Variants in SPINK5 observed in about 807,000 individuals in gnomAD.
SPINK5 encodes the protein serine protease inhibitor Kazal-type 5.
Under a neutral mutation model 151.8 loss-of-function variants are expected in SPINK5, and 125 were observed. That is an observed-to-expected ratio of 0.82 (90% CI 0.71 to 0.96). SPINK5 has a LOEUF of 0.96. SPINK5 is among the 40% of genes least tolerant of loss of function. The pLI, the probability that SPINK5 is intolerant of heterozygous loss-of-function variation, is 0.00. For synonymous variants in SPINK5, 374 were observed against 395.3 expected, an observed-to-expected ratio of 0.95 and a Z score of 0.64; for missense variants, 1,194 against 1,291.9, an observed-to-expected ratio of 0.92 and a Z score of 1.16.
intron 2 of SPINK5, 71 bp from the exon 3 acceptor site, chr5:148,070,252 C>T (rs1247373652): frequency 5.9e-6 from 9 of 1,518,966 alleles, no homozygotes; most frequent in East Asian, 2.4e-5. Context: ...CATATATCTA[C>T]ATATATATAT....
intron 2 of SPINK5, among the ~76,000 whole-genome samples, chr5:148,067,989 A>T (rs1752629187): frequency 6.6e-6 from 1 of 152,106 alleles, no homozygotes; most frequent in African/African-American, 2.4e-5. Context: ...TCGTCTATAT[A>T]CTTTCTATAA....
chr5:148,115,141 A>G (rs925350589), intron 21 of SPINK5, among the ~76,000 whole-genome samples: 1 of 152,238 alleles, frequency 6.6e-6, no homozygotes, highest in Non-Finnish European at 1.5e-5. Context: ...GAAAGGGATA[A>G]TTAATAGAAA....
intron 19 of SPINK5, among the ~76,000 whole-genome samples, chr5:148,112,664 T>A (rs1753970464): frequency 7.3e-6 from 1 of 137,222 alleles, no homozygotes; most frequent in Non-Finnish European, 1.5e-5. Context: ...AGAGTGAGAC[T>A]CCATCTCAAA....
rs180720796 is a variant in SPINK5 at position 148,084,809 on chromosome 5, C to T, written c.283-1596C>T. Among the ~76,000 whole-genome samples the T allele has an allele frequency of 5.3e-3, 806 of 151,922 alleles. 5 individuals carry two copies. The highest frequency in any genetic ancestry group is 0.011 in the Admixed American group (160 of 15,234). ...TGCCGTTCTCTATGCCCAGAATGTT[C>T]TTCCCTCAAATGTTTTTGCCACTAT... is the stretch of plus-strand genomic sequence containing the variant. On this transcript the variant is annotated intron_variant, in intron 4 of 32. Coordinates refer to ENST00000256084, the MANE Select transcript of SPINK5 (RefSeq NM_006846.4).
chr5:148,111,382 G>T (rs1339285662), intron 18 of SPINK5, among the ~76,000 whole-genome samples: 1 of 152,108 alleles, frequency 6.6e-6, no homozygotes, highest in Non-Finnish European at 1.5e-5. Context: ...AATTATATCT[G>T]AAAAGCCCTT....
In SPINK5 at chr5:148,100,574, GTCT is replaced by G. The variant is rs2113117124; in HGVS notation, c.1218_1220del (p.Phe407del). 6.2e-7 allele frequency: 1 copy of G among 1,613,040 alleles called. No homozygotes were observed. The highest frequency in any genetic ancestry group is 8.5e-7 in the Non-Finnish European group (1 of 1,179,282). On this transcript the variant is annotated inframe_deletion, in exon 13 of 33. Coordinates refer to ENST00000256084, the MANE Select transcript of SPINK5 (RefSeq NM_006846.4). ...TGGCAACACCTGCTCCATGTGTGAGGTCTTCTTGTGAGTAGCCCTGCAGCTGGG... is the reference window on the plus strand; with the variant it reads ...TGGCAACACCTGCTCCATGTGTGAGGTCTTGTGAGTAGCCCTGCAGCTGGG...
Position 148,108,798 on chromosome 5 carries a change from G to T in SPINK5, c.1653G>T (p.Gly551=). 1 of 1,612,420 alleles carries T rather than the reference G, an allele frequency of 6.2e-7. No individual in the cohort carries two copies. The change falls in exon 18 of 33, where the codon GGG becomes GGT. Residue 551 remains glycine, a synonymous_variant. Coordinates refer to ENST00000256084, the MANE Select transcript of SPINK5 (RefSeq NM_006846.4). ...AGAAAAATGATAAAGAAGAAAAAGG[G>T]AAAGTCGAGGCTGAAAAAGTTAAGA... ...EEKKNDKEEK[G]KVEAEKVKRE... is the part of the protein sequence containing the mutation.
chr5:148,107,979 A>T (rs1325524722), intron 17 of SPINK5, among the ~76,000 whole-genome samples: 1 of 152,196 alleles, frequency 6.6e-6, no homozygotes, highest in African/African-American at 2.4e-5. Context: ...ACATGTCTTG[A>T]TCCAACCTTA....
rs750266026 is a variant in SPINK5, at chr5:148,107,155, C to G, written c.1598C>G (p.Ala533Gly). 6.2e-7 allele frequency: 1 copy of G among 1,612,014 alleles called. No individual in the cohort carries two copies. The highest frequency in any genetic ancestry group is 1.7e-5 in the Admixed American group (1 of 59,926). The change falls in exon 17 of 33, where the codon GCC (alanine) becomes GGC (glycine). Residue 533 changes from alanine (A) to glycine (G), a missense_variant. Ala to Gly is a moderately conservative substitution (Grantham distance 60, BLOSUM62 0). Transcript: ENST00000256084. Reference sequence around the variant, plus strand: ...CATGGAAACAAGTGTGCCATGTGTGCCAGTGTGTTGTGAGTGTCCACCCCA... The same window carrying G: ...CATGGAAACAAGTGTGCCATGTGTGGCAGTGTGTTGTGAGTGTCCACCCCA... The part of the protein sequence containing the change: ...KMHGNKCAMC[A>G]SVFKLEEEEK...
chr5:148,107,999 A>G (rs1437643071), intron 17 of SPINK5, among the ~76,000 whole-genome samples: 1 of 152,214 alleles, frequency 6.6e-6, no homozygotes, highest in Non-Finnish European at 1.5e-5. Context: ...AAGTGGATGC[A>G]TACAATTCCC....
chr5:148,117,303 T>C (rs1028240443), intron 22 of SPINK5, among the ~76,000 whole-genome samples: 1 of 152,216 alleles, frequency 6.6e-6, no homozygotes, highest in African/African-American at 2.4e-5. Flanking sequence ...ATAGACATTT[T>C]GTGTGTCTTG....
chr5:148,102,525 CA>C (rs1337495185), intron 15 of SPINK5, among the ~76,000 whole-genome samples: 2 of 151,930 alleles, frequency 1.3e-5, no homozygotes, highest in Non-Finnish European at 2.9e-5. Flanking sequence ...CAAGTAAGAA[CA>C]CAATTTAAAA....
chr5:148,124,327 G>A (rs1392532851), intron 27 of SPINK5, among the ~76,000 whole-genome samples: 5 of 151,998 alleles, frequency 3.3e-5, no homozygotes, highest in African/African-American at 9.7e-5. Context: ...TTATACCTAC[G>A]TAAATAACAT....
Position 148,107,151 on chromosome 5 carries a change from T to C in SPINK5, c.1594T>C (p.Cys532Arg). Residue 532 changes from cysteine (C) to arginine (R), a missense_variant, in exon 17 of 33, where the codon TGT becomes CGT. Coordinates refer to ENST00000256084, the MANE Select transcript of SPINK5 (RefSeq NM_006846.4). ...GKMHGNKCAM[C>R]ASVFKLEEEE... ...AATGCATGGAAACAAGTGTGCCATG[T>C]GTGCCAGTGTGTTGTGAGTGTCCAC... is the stretch of plus-strand genomic sequence containing the variant. 6.2e-7 allele frequency: 1 copy of C among 1,612,466 alleles called. No homozygotes were observed. Among genetic ancestry groups the C allele is most frequent in the African/African-American group, 1.3e-5 (1 of 74,976 alleles).
chr5:148,073,252 T>C (rs1263512368), intron 4 of SPINK5, among the ~76,000 whole-genome samples: 3 of 151,938 alleles, frequency 2.0e-5, no homozygotes, highest in East Asian at 3.9e-4. Flanking sequence ...TAATTACTTA[T>C]AACATCCATG....
At chr5:148,107,517 A>G (rs988772988) in intron 17 of SPINK5, among the ~76,000 whole-genome samples, 1 of 152,108 alleles carries the variant, frequency 6.6e-6, no homozygotes, top group African/African-American at 2.4e-5. Context: ...TTGTTAGTCT[A>G]TTCAGATAGG....
chr5:148,127,599 C>T (rs930824281), intron 30 of SPINK5, among the ~76,000 whole-genome samples: 8 of 152,092 alleles, frequency 5.3e-5, no homozygotes, highest in African/African-American at 1.7e-4. Context: ...ATGACTATAA[C>T]CCCAGCACTG....
At chr5:148,123,179 G>A (rs961523090) in intron 26 of SPINK5, among the ~76,000 whole-genome samples, 2 of 151,034 alleles carry the variant, frequency 1.3e-5, no homozygotes, top group Admixed American at 6.6e-5. Context: ...AGAGACTCCC[G>A]TCTCTACAAA....
At chr5:148,070,598 A>T in intron 3 of SPINK5, 148 bp downstream of exon 3, 1 of 1,025,544 alleles carries the variant, frequency 9.8e-7, no homozygotes, top group Non-Finnish European at 1.4e-6. Context: ...GACATTTCCC[A>T]TCAGATAAAG....
Sources: allele counts gnomAD v4.1 joint callset (sites outside exome capture counted in the v4.1 genomes callset), GRCh38; gene constraint gnomAD v4.1.1; transcripts MANE v1.5; gene names NCBI Gene and HGNC (gene_info 2026-07-23, HGNC 2026-07-21).